The following PRKCA variants were observed in gnomAD, a reference collection of about 807,000 sequenced individuals.
PRKCA encodes the protein protein kinase C alpha type.
PRKCA carries 27 observed loss-of-function variants against 87.0 expected under a neutral mutation model. The ratio of observed to expected loss-of-function variants is 0.31; its 90% CI spans 0.23 to 0.43. The LOEUF is 0.43. PRKCA is among the 20% of genes least tolerant of loss of function. PRKCA has a pLI of 1.00. For synonymous variants in PRKCA, 329 were observed against 311.1 expected, an observed-to-expected ratio of 1.06 and a Z score of -0.61; for missense variants, 518 against 852.3, an observed-to-expected ratio of 0.61 and a Z score of 4.88.
At chr17:66,649,047 G>A (rs113902548) in intron 5 of PRKCA, among the ~76,000 whole-genome samples, 15,585 of 150,924 alleles carry the variant, frequency 0.1, 875 homozygotes, top group Middle Eastern at 0.18. Flanking sequence ...CAATGAGCCC[G>A]AGATTGTGCC....
At chr17:66,332,496 A>G (rs943404258) in intron 2 of PRKCA, among the ~76,000 whole-genome samples, 1 of 151,698 alleles carries the variant, frequency 6.6e-6, no homozygotes, top group East Asian at 1.9e-4. Context: ...CCAAAGTGCT[A>G]GGGTTACAGG....
chr17:66,342,190 G>A (rs1907077333), intron 2 of PRKCA, among the ~76,000 whole-genome samples: 1 of 152,086 alleles, frequency 6.6e-6, no homozygotes, highest in South Asian at 2.1e-4. Flanking sequence ...TTGGGAGGCC[G>A]AGGCAGGCAG....
chr17:66,770,758 T>G (rs1290928185), intron 13 of PRKCA, among the ~76,000 whole-genome samples: 3 of 152,136 alleles, frequency 2.0e-5, no homozygotes, highest in African/African-American at 7.2e-5. Flanking sequence ...TCTGCTGATC[T>G]GGGAAGTAGT....
At chr17:66,492,359 A>G (rs955255472) in intron 2 of PRKCA, among the ~76,000 whole-genome samples, 3 of 152,212 alleles carry the variant, frequency 2.0e-5, no homozygotes, top group African/African-American at 4.8e-5. Flanking sequence ...GAGGTGTGCA[A>G]TAGAAATACT....
intron 2 of PRKCA, among the ~76,000 whole-genome samples, chr17:66,488,743 C>T (rs1916091746): frequency 1.3e-5 from 2 of 152,130 alleles, no homozygotes; most frequent in Admixed American, 1.3e-4. Context: ...ATTGGGAGCA[C>T]GTGCACAGAT....
chr17:66,419,001 C>T (rs1388047795), intron 2 of PRKCA, among the ~76,000 whole-genome samples: 7 of 151,288 alleles, frequency 4.6e-5, no homozygotes, highest in African/African-American at 1.5e-4. Context: ...ACCTCGTGAT[C>T]GCCCACCTCA....
chr17:66,659,863 G>A (rs1336472625), intron 5 of PRKCA, among the ~76,000 whole-genome samples: 1 of 152,222 alleles, frequency 6.6e-6, no homozygotes, highest in Non-Finnish European at 1.5e-5. Flanking sequence ...TTATTGCCAA[G>A]CAAGGAGAAT....
At chr17:66,787,280 C>T (rs1052296602) in intron 15 of PRKCA, 7 of 478,010 alleles carry the variant, frequency 1.5e-5, no homozygotes, top group Admixed American at 1.5e-4. Context: ...TATTGCTATG[C>T]AGTGTTCCAC....
Position 66,382,321 on chromosome 17 carries a change from A to G in PRKCA, c.205+76194A>G, listed in dbSNP as rs949719001. Among the ~76,000 whole-genome samples the G allele has an allele frequency of 3.3e-5, 5 of 152,178 alleles. No homozygotes were observed. In the South Asian group the frequency reaches 6.2e-4, roughly 19 times the overall value. ...GGCTTCAGCTATTATTTATTTATTTAGACAGAGTCTCACTCTGTTGCCCAG... is the reference window on the plus strand; with the variant it reads ...GGCTTCAGCTATTATTTATTTATTTGGACAGAGTCTCACTCTGTTGCCCAG... On this transcript the variant is annotated intron_variant, in intron 2 of 16. Coordinates refer to ENST00000413366, the MANE Select transcript of PRKCA (RefSeq NM_002737.3).
chr17:66,595,463 C>CTTTTTTT lies in PRKCA; in HGVS notation c.289-45882_289-45876dup, dbSNP rs374376124. ...AACTCTATTTTATTTTCTTTTCCTT[C>CTTTTTTT]TTTTTTTTTTTTTTTTGAGACAGTC... On this transcript the variant is annotated intron_variant, in intron 3 of 16. Coordinates refer to ENST00000413366, the MANE Select transcript of PRKCA (RefSeq NM_002737.3). Among the ~76,000 whole-genome samples the CTTTTTTT allele has an allele frequency of 2.8e-4, 33 of 116,532 alleles. 3 individuals carry two copies. The highest frequency in any genetic ancestry group is 5.9e-4 in the African/African-American group (17 of 28,952). 76.4% of individuals were successfully genotyped at this position (116,532 alleles called of 152,430 possible).
chr17:66,537,626 T>C (rs1967832411), intron 3 of PRKCA, among the ~76,000 whole-genome samples: 1 of 152,202 alleles, frequency 6.6e-6, no homozygotes, highest in African/African-American at 2.4e-5. Context: ...TTCTTTAGCA[T>C]ATGTTTAAGA....
At chr17:66,434,581 A>G (rs1331742329) in intron 2 of PRKCA, among the ~76,000 whole-genome samples, 2 of 151,942 alleles carry the variant, frequency 1.3e-5, no homozygotes. Flanking sequence ...CATTTTGACG[A>G]TTTCCCCCTT....
intron 5 of PRKCA, among the ~76,000 whole-genome samples, chr17:66,664,547 T>C (rs934900129): frequency 1.3e-5 from 2 of 151,940 alleles, no homozygotes; most frequent in Non-Finnish European, 2.9e-5. Context: ...GGTGAAAATC[T>C]CTTAGCCTTG....
At chr17:66,659,676 G>A (rs1022622037) in intron 5 of PRKCA, among the ~76,000 whole-genome samples, 1 of 149,266 alleles carries the variant, frequency 6.7e-6, no homozygotes, top group African/African-American at 2.5e-5. Context: ...CTGAGCCCAG[G>A]AGTTTGAGGC....
At chr17:66,368,944 C>G (rs184477922) in intron 2 of PRKCA, among the ~76,000 whole-genome samples, 1 of 152,268 alleles carries the variant, frequency 6.6e-6, no homozygotes, top group Admixed American at 6.5e-5. Context: ...CTTTTAGTTT[C>G]GTAATCTGTA....
At chr17:66,472,287 G>C (rs1007097328) in intron 2 of PRKCA, among the ~76,000 whole-genome samples, 8 of 152,182 alleles carry the variant, frequency 5.3e-5, no homozygotes, top group Non-Finnish European at 1.5e-5. Context: ...AGACCAAGAA[G>C]AGGGAGTGGT....
intron 13 of PRKCA, among the ~76,000 whole-genome samples, chr17:66,765,686 G>T (rs1239348324): frequency 6.6e-6 from 1 of 151,520 alleles, no homozygotes; most frequent in Non-Finnish European, 1.5e-5. Flanking sequence ...ACCACAAGTG[G>T]CCAGTGGCCA....
At chr17:66,355,536 A>G (rs1907997459) in intron 2 of PRKCA, among the ~76,000 whole-genome samples, 1 of 152,032 alleles carries the variant, frequency 6.6e-6, no homozygotes, top group Admixed American at 6.6e-5. Flanking sequence ...CATCCAAAAT[A>G]ATTTTGTCAT....
At chr17:66,442,138 T>C (rs775270090) in intron 2 of PRKCA, among the ~76,000 whole-genome samples, 3 of 151,982 alleles carry the variant, frequency 2.0e-5, no homozygotes, top group Non-Finnish European at 4.4e-5. Flanking sequence ...CTTAACTGAC[T>C]GTGACCTCTG....
Sources: gnomAD v4.1 joint callset for allele counts (sites outside exome capture counted in the v4.1 genomes callset) on GRCh38, gnomAD v4.1.1 for gene constraint, MANE v1.5 for transcripts, NCBI Gene and HGNC (gene_info 2026-07-23, HGNC 2026-07-21) for gene names.